The following HSD17B3 variants were observed in gnomAD, a reference collection of about 807,000 sequenced individuals.
HSD17B3 encodes 17-beta-hydroxysteroid dehydrogenase type 3.
HSD17B3 carries 29 observed loss-of-function variants against 41.1 expected under a neutral mutation model. That is an observed-to-expected ratio of 0.71 (90% confidence interval 0.53 to 0.96). The LOEUF (loss-of-function observed/expected upper bound fraction) is 0.96. Among genes scored for constraint, HSD17B3 ranks in the 40% least tolerant of loss-of-function variants. The pLI, the probability that HSD17B3 is intolerant of heterozygous loss-of-function variation, is 0.00. For synonymous variants in HSD17B3, 126 were observed against 145.6 expected, an observed-to-expected ratio of 0.87 and a Z score of 0.97; for missense variants, 323 against 374.6, an observed-to-expected ratio of 0.86 and a Z score of 1.14.
At chr9:96,299,785 C>A (rs951298590) in intron 1 of HSD17B3, among the ~76,000 whole-genome samples, 14 of 152,082 alleles carry the variant, frequency 9.2e-5, no homozygotes, top group African/African-American at 3.1e-4. Flanking sequence ...ATTAGGAAAT[C>A]CAGCACAGAG....
Position 96,255,749 on chromosome 9 carries a change from G to A in HSD17B3, c.202-806C>T, listed in dbSNP as rs138265199. The stretch of plus-strand genomic sequence containing the variant: ...AAGTACATCCTTCTGTGGTTCACTC[G>A]ACCTGAGACCTTTCTTCCTGTTTTC... On this transcript the variant is annotated intron_variant, in intron 2 of 10. Coordinates refer to ENST00000375263, the MANE Select transcript of HSD17B3 (RefSeq NM_000197.2). Among the ~76,000 whole-genome samples the A allele has an allele frequency of 7.9e-5, 12 of 152,222 alleles. No individual in the cohort carries two copies. The East Asian group carries it at 2.1e-3, about 27-fold the overall frequency.
At chr9:96,246,793 A>G (rs1011990826) in intron 6 of HSD17B3, among the ~76,000 whole-genome samples, 3 of 152,324 alleles carry the variant, frequency 2.0e-5, no homozygotes, top group Non-Finnish European at 4.4e-5. Flanking sequence ...CAACCTAGAC[A>G]AATGACAGGC....
intron 8 of HSD17B3, 35 bp from the exon 9 acceptor site, chr9:96,244,429 A>T: frequency 6.2e-7 from 1 of 1,609,322 alleles, no homozygotes. Context: ...GAGGCCCCAG[A>T]GTGAGCTCCC....
chr9:96,273,272 C>T (rs899954604), intron 2 of HSD17B3, among the ~76,000 whole-genome samples: 5 of 152,194 alleles, frequency 3.3e-5, no homozygotes, highest in African/African-American at 1.2e-4. Flanking sequence ...CATAATTTAA[C>T]ATTTATCCAC....
intron 2 of HSD17B3, among the ~76,000 whole-genome samples, chr9:96,279,437 G>A (rs1292442472): frequency 6.6e-6 from 1 of 152,152 alleles, no homozygotes; most frequent in Non-Finnish European, 1.5e-5. Flanking sequence ...TAAACACCTG[G>A]AATCAAGAGA....
At chr9:96,245,950 A>G (rs558265945) in intron 7 of HSD17B3, among the ~76,000 whole-genome samples, 2 of 152,340 alleles carry the variant, frequency 1.3e-5, no homozygotes, top group East Asian at 3.9e-4. Context: ...TTGAAATTTA[A>G]TATTCTTAAT....
chr9:96,289,182 T>C (rs1319102622), intron 2 of HSD17B3, among the ~76,000 whole-genome samples: 4 of 134,212 alleles, frequency 3.0e-5, no homozygotes, highest in Non-Finnish European at 3.2e-5. Flanking sequence ...CTTTAAACAG[T>C]TGATTTCCTG....
chr9:96,295,933 G>A (rs987095109), intron 2 of HSD17B3, among the ~76,000 whole-genome samples: 4 of 152,004 alleles, frequency 2.6e-5, no homozygotes, highest in African/African-American at 7.2e-5. Flanking sequence ...GGGCCTTCAC[G>A]ATGAGATTAA....
intron 2 of HSD17B3, among the ~76,000 whole-genome samples, chr9:96,272,861 C>G (rs1826318286): frequency 6.6e-6 from 1 of 152,056 alleles, no homozygotes; most frequent in Non-Finnish European, 1.5e-5. Flanking sequence ...TCATCCATAC[C>G]ATGGAATTCT....
intron 2 of HSD17B3, among the ~76,000 whole-genome samples, chr9:96,295,002 C>CTTTTTTTTTTTTTTTTTTTT (rs10541572): frequency 1.5e-5 from 1 of 66,164 alleles, no homozygotes. Context: ...ACACGAGGAG[C>CTTTTTTTTTTTTTTTTTTTT]TTTTTTTTTT....
intron 2 of HSD17B3, among the ~76,000 whole-genome samples, chr9:96,264,151 A>G (rs2130749477): frequency 6.6e-6 from 1 of 152,336 alleles, no homozygotes; most frequent in East Asian, 1.9e-4. Context: ...TAAATAAGTA[A>G]AAGAATAGGC....
At chr9:96,245,274 T>C (rs1836615038) in intron 8 of HSD17B3, 71 bp downstream of exon 8, 7 of 1,187,476 alleles carry the variant, frequency 5.9e-6, no homozygotes, top group Non-Finnish European at 7.6e-6. Context: ...TGCCAGATGA[T>C]CAAAGGAAAT....
chr9:96,243,165 C>A (rs1195603519), intron 9 of HSD17B3, among the ~76,000 whole-genome samples: 3 of 152,194 alleles, frequency 2.0e-5, no homozygotes, highest in Admixed American at 2.0e-4. Flanking sequence ...TTGTTTTAAG[C>A]CACTGAGATT....
At chr9:96,252,990 G>A (rs921368485) in intron 3 of HSD17B3, 80 bp from the exon 4 acceptor site, 18 of 851,422 alleles carry the variant, frequency 2.1e-5, no homozygotes, top group Non-Finnish European at 3.7e-5. Context: ...CAGTGCTCCT[G>A]TATTACCTGA....
intron 10 of HSD17B3, among the ~76,000 whole-genome samples, 180 bp from the exon 11 acceptor site, chr9:96,235,750 C>T (rs1043323377): frequency 2.0e-5 from 3 of 152,314 alleles, no homozygotes; most frequent in Non-Finnish European, 2.9e-5. Context: ...TTTTCTCAGA[C>T]GCCAAAGTAG....
chr9:96,268,064 A>G (rs1230009429), intron 2 of HSD17B3, among the ~76,000 whole-genome samples: 1 of 152,178 alleles, frequency 6.6e-6, no homozygotes, highest in Non-Finnish European at 1.5e-5. Flanking sequence ...AGCTGGGACA[A>G]CAGGTGCACG....
intron 2 of HSD17B3, among the ~76,000 whole-genome samples, chr9:96,291,063 G>A (rs1012970141): frequency 1.3e-5 from 2 of 152,072 alleles, no homozygotes; most frequent in Non-Finnish European, 2.9e-5. Flanking sequence ...AAGGATCCTG[G>A]GACTTTCATT....
chr9:96,298,039 A>G (rs1827429901), intron 2 of HSD17B3, among the ~76,000 whole-genome samples: 1 of 152,238 alleles, frequency 6.6e-6, no homozygotes, highest in African/African-American at 2.4e-5. Flanking sequence ...TTGCCTAAGC[A>G]AGTGACTTTT....
chr9:96,256,500 A>G (rs1404493373), intron 2 of HSD17B3, among the ~76,000 whole-genome samples: 2 of 151,982 alleles, frequency 1.3e-5, no homozygotes, highest in East Asian at 3.9e-4. Context: ...AAATAAAAAT[A>G]AACAAATAAA....
Sources: allele counts gnomAD v4.1 joint callset (sites outside exome capture counted in the v4.1 genomes callset), GRCh38; gene constraint gnomAD v4.1.1; transcripts MANE v1.5; gene names NCBI Gene and HGNC (gene_info 2026-07-23, HGNC 2026-07-21).